Variants in CSMD1 observed in about 807,000 individuals in gnomAD.
CSMD1 encodes CUB and sushi domain-containing protein 1.
Under a neutral mutation model 417.5 loss-of-function variants are expected in CSMD1, and 213 were observed. The observed-to-expected ratio is 0.51, with a 90% CI of 0.46 to 0.57. The LOEUF is 0.57. CSMD1 is among the 20% of genes least tolerant of loss of function. CSMD1 has a pLI of 0.00. For missense variants in CSMD1, 6,923 were observed against 4,529.7 expected, an observed-to-expected ratio of 1.53 and a Z score of -15.17; for synonymous variants, 2,862 against 1,736.8, an observed-to-expected ratio of 1.65 and a Z score of -16.11.
At chr8:3,932,876 T>C (rs2954605) in intron 5 of CSMD1, among the ~76,000 whole-genome samples, 54,853 of 149,976 alleles carry the variant, frequency 0.37, 12,416 homozygotes, top group Admixed American at 0.45. Flanking sequence ...AAGTTAAATG[T>C]TTTTGAATTT....
intron 50 of CSMD1, among the ~76,000 whole-genome samples, chr8:3,044,836 A>G (rs1811331879): frequency 1.3e-5 from 2 of 152,214 alleles, no homozygotes; most frequent in Non-Finnish European, 2.9e-5. Flanking sequence ...ACTGATCTAC[A>G]TATTACTGCA....
intron 25 of CSMD1, 137 bp downstream of exon 25, chr8:3,307,558 T>C (rs1442648004): frequency 1.2e-5 from 13 of 1,057,046 alleles, no homozygotes; most frequent in Non-Finnish European, 1.6e-5. Context: ...CCAACAAAAC[T>C]TTTAGCTACA....
At chr8:4,322,280 C>G (rs1052944565) in intron 3 of CSMD1, among the ~76,000 whole-genome samples, 1 of 152,076 alleles carries the variant, frequency 6.6e-6, no homozygotes, top group Non-Finnish European at 1.5e-5. Flanking sequence ...ATAAGTGAGA[C>G]CTGAATTCAA....
intron 3 of CSMD1, among the ~76,000 whole-genome samples, chr8:4,352,725 C>CT (rs768681272): frequency 6.6e-6 from 1 of 152,208 alleles, no homozygotes; most frequent in Non-Finnish European, 1.5e-5. Flanking sequence ...TAAGAACCCT[C>CT]TGTTCTGAGA....
chr8:4,761,415 C>A (rs777021719), intron 1 of CSMD1, among the ~76,000 whole-genome samples: 19 of 152,010 alleles, frequency 1.2e-4, no homozygotes, highest in Non-Finnish European at 1.8e-4. Context: ...TATATATACA[C>A]ACAATTACAT....
intron 49 of CSMD1, among the ~76,000 whole-genome samples, chr8:3,078,561 G>T (rs1013357939): frequency 1.3e-5 from 2 of 152,198 alleles, no homozygotes; most frequent in Non-Finnish European, 2.9e-5. Flanking sequence ...ACTATGGCCT[G>T]TGGGTCGAAA....
At chr8:4,294,987 C>G (rs71502982) in intron 3 of CSMD1, among the ~76,000 whole-genome samples, 6,790 of 150,034 alleles carry the variant, frequency 0.045, 230 homozygotes, top group Non-Finnish European at 0.07. Flanking sequence ...TGCCAAGTCA[C>G]CTGATCTGAA....
intron 1 of CSMD1, among the ~76,000 whole-genome samples, chr8:4,707,886 CAAAAAAAAAAAAAAAAAAAAAA>C (rs552510236): frequency 0.47 from 47,154 of 101,358 alleles, 10,551 homozygotes; most frequent in Admixed American, 0.59. Flanking sequence ...GACTTTGTTT[CAAAAAAAAAAAAAAAAAAAAAA>C]AAAAAAAAAA....
At chr8:2,946,079 C>A (rs557419776) in intron 68 of CSMD1, among the ~76,000 whole-genome samples, 1 of 152,190 alleles carries the variant, frequency 6.6e-6, no homozygotes, top group African/African-American at 2.4e-5. Context: ...GCTATAGGTA[C>A]AGCCAGTGGC....
At position 4,871,785 on chromosome 8, in the gene CSMD1, A is replaced by G. The variant is rs140892081; in HGVS notation, c.85+122547T>C. 7.3e-4 allele frequency among the ~76,000 whole-genome samples: 111 copies of G among 152,216 alleles called. 1 individual carries two copies. Among genetic ancestry groups the G allele is most frequent in the African/African-American group, 2.6e-3 (108 of 41,484 alleles). ...TTCCCTCTTTTGAAACTGTACATTTAGATTGTACACTTTTGAAAAACCTTT... is the reference window on the plus strand; with the variant it reads ...TTCCCTCTTTTGAAACTGTACATTTGGATTGTACACTTTTGAAAAACCTTT... On this transcript the variant is annotated intron_variant, in intron 1 of 69. Transcript: ENST00000635120.
chr8:4,319,192 T>C (rs923641860), intron 3 of CSMD1, among the ~76,000 whole-genome samples: 1 of 152,196 alleles, frequency 6.6e-6, no homozygotes. Flanking sequence ...CCCCCAGTAA[T>C]TCCAATTACA....
At chr8:3,765,703 C>T (rs1196973924) in intron 5 of CSMD1, among the ~76,000 whole-genome samples, 1 of 152,178 alleles carries the variant, frequency 6.6e-6, no homozygotes, top group Non-Finnish European at 1.5e-5. Flanking sequence ...CAGTGGCTTC[C>T]CATCAGCACT....
intron 5 of CSMD1, among the ~76,000 whole-genome samples, chr8:3,881,687 T>A (rs1469374852): frequency 4.0e-5 from 6 of 149,740 alleles, no homozygotes; most frequent in Non-Finnish European, 5.9e-5. Context: ...AAAAAACAAT[T>A]TGGAAAAAAA....
intron 26 of CSMD1, among the ~76,000 whole-genome samples, chr8:3,235,910 A>G (rs959738140): frequency 2.4e-5 from 3 of 125,806 alleles, no homozygotes; most frequent in Non-Finnish European, 3.3e-5. Flanking sequence ...TTATATGAAG[A>G]TGTAAGTTTT....
chr8:3,677,970 T>A (rs897245341), intron 7 of CSMD1, among the ~76,000 whole-genome samples: 9 of 152,146 alleles, frequency 5.9e-5, no homozygotes, highest in Admixed American at 1.3e-4. Context: ...AAACACTGAC[T>A]TGGTGCAGGG....
chr8:3,062,075 T>C (rs1812623275), intron 49 of CSMD1, among the ~76,000 whole-genome samples: 1 of 152,208 alleles, frequency 6.6e-6, no homozygotes, highest in African/African-American at 2.4e-5. Flanking sequence ...CACTTAGAAA[T>C]ACATTTTCAA....
chr8:4,900,325 T>C (rs1442293096), intron 1 of CSMD1, among the ~76,000 whole-genome samples: 2 of 152,140 alleles, frequency 1.3e-5, no homozygotes, highest in Non-Finnish European at 2.9e-5. Flanking sequence ...GCTCCATGAA[T>C]AGCTACACCA....
intron 1 of CSMD1, among the ~76,000 whole-genome samples, chr8:4,738,599 C>G (rs1810396858): frequency 6.6e-6 from 1 of 152,074 alleles, no homozygotes; most frequent in Non-Finnish European, 1.5e-5. Flanking sequence ...CTAACTATAT[C>G]ACCATCTAGC....
chr8:4,273,361 C>A (rs1216012177), intron 3 of CSMD1, among the ~76,000 whole-genome samples: 1 of 151,982 alleles, frequency 6.6e-6, no homozygotes, highest in Non-Finnish European at 1.5e-5. Flanking sequence ...ACGGGTAATT[C>A]GAGAAATGGA....
Sources: gnomAD v4.1 joint callset for allele counts (sites outside exome capture counted in the v4.1 genomes callset) on GRCh38, gnomAD v4.1.1 for gene constraint, MANE v1.5 for transcripts, NCBI Gene and HGNC (gene_info 2026-07-23, HGNC 2026-07-21) for gene names.